The following PSD3 variants were observed in gnomAD, a reference collection of about 807,000 sequenced individuals.
PSD3 encodes the protein pleckstrin and Sec7 domain containing 3, also known as PH and SEC7 domain-containing protein 3.
In PSD3, 49 loss-of-function variants were observed where a neutral mutation model predicts 105.5. That is an observed-to-expected ratio of 0.46 (90% CI 0.37 to 0.59). The LOEUF (loss-of-function observed/expected upper bound fraction) is 0.59, where lower values mean the gene tolerates loss of function less well. Ranked by LOEUF, PSD3 falls within the 20% of genes least tolerant of loss-of-function variation. PSD3 has a pLI of 0.00. For synonymous variants in PSD3, 557 were observed against 457.8 expected (o/e 1.22, Z -2.77); for missense variants, 1,561 against 1,263.8 (o/e 1.24, Z -3.57).
chr8:18,612,621 C>T (rs541042926), intron 11 of PSD3, among the ~76,000 whole-genome samples: 8 of 152,236 alleles, frequency 5.3e-5, no homozygotes, highest in South Asian at 2.1e-4. Context: ...CCGCCTGCCT[C>T]GGCCTCCCAA....
chr8:18,960,008 C>A (rs1228935182), intron 1 of PSD3, among the ~76,000 whole-genome samples: 1 of 152,204 alleles, frequency 6.6e-6, no homozygotes, highest in East Asian at 1.9e-4. Context: ...CCACTCCAAC[C>A]TGAAAAATCA....
chr8:18,957,869 G>C (rs73584699), intron 1 of PSD3, among the ~76,000 whole-genome samples: 3,901 of 152,294 alleles, frequency 0.026, 172 homozygotes, highest in African/African-American at 0.09. Flanking sequence ...GACCTGGGCT[G>C]TGGGAAATGA....
At chr8:19,008,543 A>T (rs1192337617) in intron 1 of PSD3, among the ~76,000 whole-genome samples, 2 of 152,222 alleles carry the variant, frequency 1.3e-5, no homozygotes, top group African/African-American at 4.8e-5. Context: ...CCTATCAAAT[A>T]ACTTCTTGAA....
chr8:18,629,697 G>A (rs2130754984), intron 11 of PSD3, among the ~76,000 whole-genome samples: 1 of 152,030 alleles, frequency 6.6e-6, no homozygotes, highest in Non-Finnish European at 1.5e-5. Flanking sequence ...AACCGTCATA[G>A]GATGGGAGTA....
intron 11 of PSD3, among the ~76,000 whole-genome samples, chr8:18,607,973 A>C (rs534271794): frequency 7.9e-5 from 12 of 152,300 alleles, no homozygotes; most frequent in Admixed American, 7.2e-4. Context: ...TATCATGAGA[A>C]CAGCATGAGA....
At position 18,683,962 on chromosome 8, in the gene PSD3, G is replaced by A. The variant is rs770140966; in HGVS notation, c.2173-28277C>T. Reference sequence around the variant, plus strand: ...GAAGGTCAACTAAGGAAGGGGTTTAGAGAAATAAAAAGGCACTTTCCAACC... The same window carrying A: ...GAAGGTCAACTAAGGAAGGGGTTTAAAGAAATAAAAAGGCACTTTCCAACC... On this transcript the variant is annotated intron_variant, in intron 9 of 15. Transcript: ENST00000327040. The A allele has an allele frequency of 1.1e-5, 8 of 751,540 alleles. 1 individual carries two copies. The South Asian group carries it at 1.1e-4, about 10-fold the overall frequency. The allele number at this position is 751,540 out of a possible 1,614,324, so 46.6% of individuals were successfully genotyped here. A position where few individuals can be genotyped will look rare whatever the true frequency, so the allele number is the denominator to read the frequency against.
chr8:18,951,879 G>C (rs1023714043), intron 1 of PSD3, among the ~76,000 whole-genome samples: 2 of 152,016 alleles, frequency 1.3e-5, no homozygotes, highest in Non-Finnish European at 2.9e-5. Flanking sequence ...TGAGGCAGAA[G>C]AATCATTTGA....
At chr8:18,826,716 T>C (rs12548087) in intron 4 of PSD3, among the ~76,000 whole-genome samples, 42,435 of 152,124 alleles carry the variant, frequency 0.28, 6,295 homozygotes, top group African/African-American at 0.32. Context: ...TTGAAGGTTT[T>C]GTTTTTGATT....
Position 18,694,428 on chromosome 8 carries a change from G to A in PSD3, c.2173-38743C>T, listed in dbSNP as rs374244181. The stretch of plus-strand genomic sequence containing the variant: ...GATCGAGACCATCCTGGCTAAGATG[G>A]TGAAACCCTGTCTCTATTAAAAATA... On this transcript the variant is annotated intron_variant, in intron 9 of 15. Coordinates refer to ENST00000327040, the MANE Select transcript of PSD3 (RefSeq NM_015310.4). Among the ~76,000 whole-genome samples, 6 of 152,338 alleles carry A rather than the reference G, an allele frequency of 3.9e-5. No individual in the cohort carries two copies. In the South Asian group the frequency reaches 6.2e-4, roughly 16 times the overall value.
At chr8:18,734,975 T>C (rs145739332) in intron 9 of PSD3, among the ~76,000 whole-genome samples, 352 of 152,292 alleles carry the variant, frequency 2.3e-3, no homozygotes, top group Non-Finnish European at 2.7e-3. Context: ...AGTCCTCACA[T>C]CAAAGACTGT....
At chr8:18,764,643 C>CAT (rs1464772356) in intron 9 of PSD3, among the ~76,000 whole-genome samples, 3 of 152,148 alleles carry the variant, frequency 2.0e-5, no homozygotes, top group Non-Finnish European at 4.4e-5. Flanking sequence ...ATTTCCATAT[C>CAT]ATATCATACA....
chr8:18,729,364 A>C (rs1803563389), intron 9 of PSD3, among the ~76,000 whole-genome samples: 1 of 152,220 alleles, frequency 6.6e-6, no homozygotes, highest in South Asian at 2.1e-4. Flanking sequence ...TTTAACCCAC[A>C]GCAGTGTCTA....
chr8:18,613,496 C>G (rs934586697), intron 11 of PSD3, among the ~76,000 whole-genome samples: 2 of 152,156 alleles, frequency 1.3e-5, no homozygotes, highest in African/African-American at 4.8e-5. Flanking sequence ...CACCCTTCTA[C>G]GTGTCTGCGA....
At chr8:18,546,918 G>T (rs1023920376) in intron 15 of PSD3, among the ~76,000 whole-genome samples, 2 of 152,154 alleles carry the variant, frequency 1.3e-5, no homozygotes, top group African/African-American at 4.8e-5. Context: ...AGAATGCCAG[G>T]GACATATTTG....
intron 15 of PSD3, among the ~76,000 whole-genome samples, chr8:18,545,067 C>A (rs1265715638): frequency 6.6e-6 from 1 of 152,156 alleles, no homozygotes; most frequent in Non-Finnish European, 1.5e-5. Context: ...GAAGAGTATG[C>A]AATTCCTGTT....
intron 13 of PSD3, among the ~76,000 whole-genome samples, 187 bp from the exon 14 acceptor site, chr8:18,572,859 A>G (rs1362477513): frequency 1.3e-5 from 2 of 152,202 alleles, no homozygotes; most frequent in East Asian, 1.9e-4. Context: ...AGAAGCTATG[A>G]TCATCACAGT....
At chr8:18,821,984 G>A (rs575783086) in intron 4 of PSD3, among the ~76,000 whole-genome samples, 2 of 151,910 alleles carry the variant, frequency 1.3e-5, no homozygotes, top group Admixed American at 6.6e-5. Context: ...CTAAGCCCCC[G>A]ACTGCAGAGT....
chr8:18,600,679 T>C (rs1227436222), intron 11 of PSD3, among the ~76,000 whole-genome samples: 1 of 152,162 alleles, frequency 6.6e-6, no homozygotes, highest in Non-Finnish European at 1.5e-5. Context: ...CTTACAAAAC[T>C]GAAACACAAG....
intron 3 of PSD3, among the ~76,000 whole-genome samples, chr8:18,870,910 G>T (rs558666681): frequency 9.2e-5 from 14 of 152,138 alleles, no homozygotes; most frequent in African/African-American, 3.1e-4. Flanking sequence ...AACAGCCTGG[G>T]CAACAAAGTG....
Sources: gnomAD v4.1 joint callset for allele counts (sites outside exome capture counted in the v4.1 genomes callset) on GRCh38, gnomAD v4.1.1 for gene constraint, MANE v1.5 for transcripts, NCBI Gene and HGNC (gene_info 2026-07-23, HGNC 2026-07-21) for gene names.